THSD7B: variants seen among roughly 807,000 people sequenced by gnomAD.
THSD7B encodes thrombospondin type-1 domain-containing protein 7B.
In THSD7B, 138 loss-of-function variants were observed where a neutral mutation model predicts 213.6. That is an observed-to-expected ratio of 0.65 (90% CI 0.56 to 0.74). The LOEUF (loss-of-function observed/expected upper bound fraction) is 0.74, where lower values mean the gene tolerates loss of function less well. THSD7B is among the 30% of genes least tolerant of loss of function. The probability of loss-of-function intolerance (pLI) is 0.00; values close to 1 mark genes in which losing one functional copy is unlikely to be tolerated. For missense variants in THSD7B, 1,931 were observed against 1,991.5 expected, an observed-to-expected ratio of 0.97 and a Z score of 0.58; for synonymous variants, 742 against 687.0, an observed-to-expected ratio of 1.08 and a Z score of -1.25.
intron 27 of THSD7B, among the ~76,000 whole-genome samples, chr2:137,669,334 T>A (rs1387064333): frequency 7.4e-6 from 1 of 136,006 alleles, no homozygotes; most frequent in Non-Finnish European, 1.5e-5. Flanking sequence ...CCACCTACAG[T>A]GATAGAAATT....
chr2:137,392,918 T>C (rs1686068441), intron 12 of THSD7B, among the ~76,000 whole-genome samples: 1 of 152,082 alleles, frequency 6.6e-6, no homozygotes, highest in Non-Finnish European at 1.5e-5. Flanking sequence ...TTATAAGACC[T>C]CTGAGTTTTA....
At chr2:137,362,759 A>G (rs1685297756) in intron 12 of THSD7B, among the ~76,000 whole-genome samples, 2 of 152,160 alleles carry the variant, frequency 1.3e-5, no homozygotes. Flanking sequence ...ACCTACAAAG[A>G]GACTTATACT....
intron 17 of THSD7B, among the ~76,000 whole-genome samples, chr2:137,582,895 GATCCCTGAGGA>G (rs1681613700): frequency 6.6e-6 from 1 of 152,134 alleles, no homozygotes; most frequent in South Asian, 2.1e-4. Context: ...TCTAGTTCTA[GATCCCTGAGGA>G]ATCACCACAC....
chr2:137,527,488 C>T (rs1680300624), intron 15 of THSD7B, among the ~76,000 whole-genome samples: 1 of 152,102 alleles, frequency 6.6e-6, no homozygotes, highest in Non-Finnish European at 1.5e-5. Context: ...TACCTTGCTC[C>T]ATTTTTTTAG....
chr2:137,030,510 G>C (rs979607898), intron 2 of THSD7B, among the ~76,000 whole-genome samples: 1 of 151,970 alleles, frequency 6.6e-6, no homozygotes, highest in African/African-American at 2.4e-5. Flanking sequence ...CCAGGTACCA[G>C]CTGCCCACAA....
rs1405976166 is a variant in THSD7B, at chr2:137,154,428, T to A, written c.1370-5785T>A. Among the ~76,000 whole-genome samples the A allele has an allele frequency of 2.0e-5, 3 of 152,284 alleles. No homozygotes were observed. In the East Asian group the frequency reaches 5.8e-4, roughly 29 times the overall value. On this transcript the variant is annotated intron_variant, in intron 5 of 27. Coordinates refer to ENST00000409968, the MANE Select transcript of THSD7B (RefSeq NM_001316349.2). ...AAAAACAAGAAAGCGCCAATGACTCTTATAGTACCTCTTTTTACTTTAAGC... is the reference window on the plus strand; with the variant it reads ...AAAAACAAGAAAGCGCCAATGACTCATATAGTACCTCTTTTTACTTTAAGC...
rs16836821 is a variant in THSD7B at position 136,824,437 on chromosome 2, T to C, written c.-35-57707T>C. Among the ~76,000 whole-genome samples the C allele has an allele frequency of 6.1e-3, 927 of 152,226 alleles. 7 individuals carry two copies. The highest frequency in any genetic ancestry group is 0.021 in the African/African-American group (873 of 41,532). ...AATATGTTAGCTAGGAAGCTCAGTTTTGGATGCATCTAATATATAAACCCC... is the reference window on the plus strand; with the variant it reads ...AATATGTTAGCTAGGAAGCTCAGTTCTGGATGCATCTAATATATAAACCCC... On this transcript the variant is annotated intron_variant, in intron 1 of 27. Transcript: ENST00000409968.
chr2:137,517,095 T>G (rs966226742), intron 15 of THSD7B, among the ~76,000 whole-genome samples: 4 of 152,256 alleles, frequency 2.6e-5, no homozygotes, highest in African/African-American at 9.6e-5. Context: ...TATGCAGCCA[T>G]TGACTTGGCA....
chr2:137,225,287 T>G (rs1681470739), intron 7 of THSD7B, among the ~76,000 whole-genome samples: 1 of 152,200 alleles, frequency 6.6e-6, no homozygotes, highest in Non-Finnish European at 1.5e-5. Flanking sequence ...ATTGTTCAAT[T>G]CCACCCCATG....
chr2:137,143,449 T>C (rs16838223), intron 5 of THSD7B, among the ~76,000 whole-genome samples: 55,307 of 151,966 alleles, frequency 0.36, 10,612 homozygotes, highest in East Asian at 0.53. Flanking sequence ...GATTTAGGAG[T>C]TCAACAGTTT....
intron 2 of THSD7B, among the ~76,000 whole-genome samples, chr2:136,890,084 A>T (rs78777570): frequency 6.6e-6 from 1 of 152,076 alleles, no homozygotes; most frequent in Non-Finnish European, 1.5e-5. Context: ...TATAGTCCCC[A>T]GTGCCATTAC....
At position 137,233,128 on chromosome 2, in the gene THSD7B, C is replaced by G; in HGVS notation, c.2145C>G (p.Thr715=). The G allele has an allele frequency of 6.2e-7, 1 of 1,612,102 alleles. No homozygotes were observed. ...AGAGTCACGTGGGACAAGTAATGAC[C>G]AAAAGGTATTTATTAGGCTGTTACT... The part of the protein sequence containing the change: ...CVKSHVGQVM[T]KRCPDSTRPE... Residue 715 remains threonine (T), a synonymous_variant, in exon 9 of 28, where the codon ACC becomes ACG. Coordinates refer to ENST00000409968, the MANE Select transcript of THSD7B (RefSeq NM_001316349.2).
At chr2:137,043,678 C>G (rs1007393891) in intron 2 of THSD7B, among the ~76,000 whole-genome samples, 1 of 152,136 alleles carries the variant, frequency 6.6e-6, no homozygotes, top group Non-Finnish European at 1.5e-5. Flanking sequence ...AGCTTGCACA[C>G]AAACCCCAGA....
intron 12 of THSD7B, among the ~76,000 whole-genome samples, chr2:137,357,985 A>G (rs974515360): frequency 6.6e-6 from 1 of 152,174 alleles, no homozygotes; most frequent in Admixed American, 6.5e-5. Flanking sequence ...AGAGCAAAAC[A>G]TTTCTCCATT....
intron 2 of THSD7B, among the ~76,000 whole-genome samples, chr2:137,020,586 G>A (rs1164251473): frequency 1.3e-5 from 2 of 152,192 alleles, no homozygotes; most frequent in East Asian, 3.9e-4. Context: ...AGCAGTTATG[G>A]CAGAGAGGAG....
At chr2:137,299,698 C>A (rs1454739256) in intron 12 of THSD7B, among the ~76,000 whole-genome samples, 10 of 152,094 alleles carry the variant, frequency 6.6e-5, no homozygotes, top group African/African-American at 2.2e-4. Flanking sequence ...TGTTTTCACA[C>A]TTTTAAAAAT....
chr2:137,586,357 T>C (rs955935275), intron 17 of THSD7B, among the ~76,000 whole-genome samples: 1 of 152,208 alleles, frequency 6.6e-6, no homozygotes, highest in African/African-American at 2.4e-5. Flanking sequence ...TATTGTTATG[T>C]GTGAATTTGA....
intron 3 of THSD7B, among the ~76,000 whole-genome samples, chr2:137,089,912 C>T (rs1197825898): frequency 1.3e-5 from 2 of 151,774 alleles, no homozygotes; most frequent in East Asian, 3.9e-4. Flanking sequence ...GAGGCTGAGA[C>T]ACGAGAATTC....
chr2:137,349,616 A>G lies in THSD7B; in HGVS notation c.2501-55997A>G, dbSNP rs562150335. ...ATTATTGTAAACCCTGTTTTCAGTT[A>G]CAGTTTAAACGTAGGCTATTGCTAT... On this transcript the variant is annotated intron_variant, in intron 12 of 27. Transcript: ENST00000409968. Among the ~76,000 whole-genome samples the G allele has an allele frequency of 8.6e-5, 13 of 152,012 alleles. No individual in the cohort carries two copies. In the South Asian group the frequency reaches 2.5e-3, roughly 29 times the overall value.
Sources: allele counts gnomAD v4.1 joint callset (sites outside exome capture counted in the v4.1 genomes callset), GRCh38; gene constraint gnomAD v4.1.1; transcripts MANE v1.5; gene names NCBI Gene and HGNC (gene_info 2026-07-23, HGNC 2026-07-21).